The following RFX7 variants were observed in gnomAD, a reference collection of about 807,000 sequenced individuals.
RFX7 encodes regulatory factor X7.
RFX7 carries 26 observed loss-of-function variants against 111.8 expected under a neutral mutation model. The ratio of observed to expected loss-of-function variants is 0.23; its 90% confidence interval spans 0.17 to 0.32. RFX7 has a LOEUF of 0.32. Among genes scored for constraint, RFX7 ranks in the 10% least tolerant of loss-of-function variants. The pLI is 1.00. For missense variants in RFX7, 1,573 were observed against 1,772.9 expected, an observed-to-expected ratio of 0.89 and a Z score of 2.02; for synonymous variants, 624 against 624.4, an observed-to-expected ratio of 1.00 and a Z score of 0.01.
At chr15:56,163,250 C>T (rs2042745847) in intron 3 of RFX7, among the ~76,000 whole-genome samples, 1 of 152,030 alleles carries the variant, frequency 6.6e-6, no homozygotes, top group African/African-American at 2.4e-5. Context: ...CAGCATATAT[C>T]TCTGGAGGGC....
intron 2 of RFX7, among the ~76,000 whole-genome samples, chr15:56,224,467 T>TTG (rs58795247): frequency 0.63 from 92,608 of 147,116 alleles, 29,638 homozygotes; most frequent in Middle Eastern, 0.71. Flanking sequence ...GATTAGGATT[T>TTG]TGTGTGTGTG....
At chr15:56,121,745 G>C (rs577753099) in intron 5 of RFX7, among the ~76,000 whole-genome samples, 1 of 152,110 alleles carries the variant, frequency 6.6e-6, no homozygotes, top group Admixed American at 6.5e-5. Context: ...CCCTCTGACT[G>C]TGTATGTTCA....
At chr15:56,116,299 AATGGTTTGTAAG>A (rs1200631340) in intron 5 of RFX7, among the ~76,000 whole-genome samples, 6 of 152,214 alleles carry the variant, frequency 3.9e-5, no homozygotes, top group South Asian at 2.1e-4. Context: ...TGGTTTGTAA[AATGGTTTGTAAG>A]ATGGTTTGTA....
chr15:56,187,094 A>C (rs1482218706), intron 2 of RFX7, among the ~76,000 whole-genome samples: 1 of 152,238 alleles, frequency 6.6e-6, no homozygotes, highest in Non-Finnish European at 1.5e-5. Context: ...CTTGCTACAC[A>C]TAACAATTAT....
At chr15:56,243,053 GCCGCCCC>G in intron 2 of RFX7, 65 bp downstream of exon 2, 1 of 519,400 alleles carries the variant, frequency 1.9e-6, no homozygotes, top group Non-Finnish European at 3.3e-6. Context: ...CCCCCCGCCC[GCCGCCCC>G]CCACCCACTT....
chr15:56,147,990 TGAA>T (rs2042507170), intron 3 of RFX7, among the ~76,000 whole-genome samples: 1 of 152,240 alleles, frequency 6.6e-6, no homozygotes, highest in Non-Finnish European at 1.5e-5. Flanking sequence ...TTACTTGAGT[TGAA>T]GAAGTTCTCA....
chr15:56,155,307 A>C (rs1269550394), intron 3 of RFX7, among the ~76,000 whole-genome samples: 1 of 152,198 alleles, frequency 6.6e-6, no homozygotes, highest in Non-Finnish European at 1.5e-5. Context: ...ATAAAGGCAC[A>C]TGCACACGTA....
rs553536953 is a variant in RFX7 at position 56,166,539 on chromosome 15, T to C, written c.195+12731A>G. On this transcript the variant is annotated intron_variant, in intron 3 of 9. Transcript: ENST00000559447. ...ATGTAAAAAGTAATTTCTCTTTCTA[T>C]GCTAGAAACTTGCCCTATAGACCTT... 6.6e-5 allele frequency among the ~76,000 whole-genome samples: 10 copies of C among 152,268 alleles called. No homozygotes were observed. In the South Asian group the frequency reaches 2.1e-3, roughly 31 times the overall value.
At chr15:56,235,897 T>C (rs1453211405) in intron 2 of RFX7, among the ~76,000 whole-genome samples, 1 of 152,220 alleles carries the variant, frequency 6.6e-6, no homozygotes, top group Non-Finnish European at 1.5e-5. Context: ...GATAAGGCTA[T>C]TTGGAAGACA....
intron 5 of RFX7, among the ~76,000 whole-genome samples, chr15:56,125,683 C>A (rs2042135512): frequency 6.7e-6 from 1 of 149,392 alleles, no homozygotes; most frequent in South Asian, 2.1e-4. Flanking sequence ...TTCTTGATTG[C>A]TTTTTTCAGC....
chr15:56,105,953 T>G (rs1265383284), intron 5 of RFX7, among the ~76,000 whole-genome samples: 1 of 152,218 alleles, frequency 6.6e-6, no homozygotes, highest in Non-Finnish European at 1.5e-5. Context: ...CTATACATTG[T>G]TGAACTATAG....
At chr15:56,224,214 AAGAG>A (rs1287579470) in intron 2 of RFX7, among the ~76,000 whole-genome samples, 3 of 152,082 alleles carry the variant, frequency 2.0e-5, no homozygotes, top group Non-Finnish European at 4.4e-5. Flanking sequence ...AACCGTGTGT[AAGAG>A]AAAGGAGGAT....
At chr15:56,165,552 T>C (rs1363651837) in intron 3 of RFX7, among the ~76,000 whole-genome samples, 1 of 152,126 alleles carries the variant, frequency 6.6e-6, no homozygotes, top group Non-Finnish European at 1.5e-5. Flanking sequence ...AACCCTACCC[T>C]AGTAGAGCTG....
rs375461640 is a variant in RFX7, at chr15:56,093,971, A to G, written c.3757T>C (p.Leu1253=). The part of the protein sequence containing the change: ...QANSKKITNV[L]LSKLDSDNDD... The stretch of plus-strand genomic sequence containing the variant: ...TTGTCGGAATCAAGTTTACTCAACA[A>G]AACATTGGTTATTTTTTTACTGTTT... Residue 1253 remains leucine (L), a synonymous_variant, in exon 10 of 10, where the codon TTG becomes CTG. Transcript: ENST00000559447. 31 of 1,613,874 alleles carry G rather than the reference A, an allele frequency of 1.9e-5. No homozygotes were observed. In the African/African-American group the frequency reaches 3.9e-4, roughly 20 times the overall value.
At chr15:56,243,041 C>G in intron 2 of RFX7, 84 bp downstream of exon 2, 1 of 596,592 alleles carries the variant, frequency 1.7e-6, no homozygotes, top group Non-Finnish European at 2.9e-6. Context: ...TCCTCCTCCG[C>G]TCCCCCCGCC....
intron 2 of RFX7, among the ~76,000 whole-genome samples, chr15:56,218,448 T>C (rs2043390123): frequency 6.6e-6 from 1 of 152,120 alleles, no homozygotes; most frequent in Admixed American, 6.5e-5. Context: ...CAATTTAAAG[T>C]ATATAGAAGA....
intron 5 of RFX7, among the ~76,000 whole-genome samples, chr15:56,134,765 C>T (rs1277339880): frequency 6.6e-6 from 1 of 151,976 alleles, no homozygotes; most frequent in Non-Finnish European, 1.5e-5. Flanking sequence ...GCTATCCCTA[C>T]CGCCCTCCCC....
chr15:56,133,206 T>TAA (rs1325051604), intron 5 of RFX7, among the ~76,000 whole-genome samples: 1 of 152,146 alleles, frequency 6.6e-6, no homozygotes, highest in East Asian at 1.9e-4. Flanking sequence ...TTTCAACAAA[T>TAA]AAAAAAGCTC....
intron 3 of RFX7, among the ~76,000 whole-genome samples, chr15:56,163,495 T>G (rs1486178679): frequency 6.6e-6 from 1 of 152,194 alleles, no homozygotes; most frequent in Non-Finnish European, 1.5e-5. Flanking sequence ...TAGCATCAAG[T>G]GCCTACTATG....
Sources: gnomAD v4.1 joint callset for allele counts (sites outside exome capture counted in the v4.1 genomes callset) on GRCh38, gnomAD v4.1.1 for gene constraint, MANE v1.5 for transcripts, NCBI Gene and HGNC (gene_info 2026-07-23, HGNC 2026-07-21) for gene names.